EEA1: variants seen among roughly 807,000 people sequenced by gnomAD.
EEA1 encodes the protein early endosome antigen 1, also known as early endosome antigen 1, 162kD.
A neutral mutation model predicts 209.2 loss-of-function variants in EEA1; 111 were observed. The ratio of observed to expected loss-of-function variants is 0.53; its 90% CI spans 0.45 to 0.62. EEA1 has a LOEUF of 0.62. Among genes scored for constraint, EEA1 ranks in the 20% least tolerant of loss-of-function variants. The pLI, the probability that EEA1 is intolerant of heterozygous loss-of-function variation, is 0.00. For missense variants in EEA1, 1,343 were observed against 1,530.8 expected, an observed-to-expected ratio of 0.88 and a Z score of 2.05; for synonymous variants, 536 against 540.6, an observed-to-expected ratio of 0.99 and a Z score of 0.12.
intron 3 of EEA1, chr12:92,858,673 C>T (rs1451652705): frequency 3.0e-5 from 22 of 737,236 alleles, no homozygotes; most frequent in Middle Eastern, 2.4e-4. Context: ...TGCTATGCTT[C>T]CCATCAGAGT....
chr12:92,805,427 C>A (rs1352666824), intron 18 of EEA1, among the ~76,000 whole-genome samples: 4 of 152,114 alleles, frequency 2.6e-5, no homozygotes, highest in African/African-American at 9.7e-5. Flanking sequence ...TTTTATTTCA[C>A]CTTTCTGAAG....
chr12:92,923,100 CACT>C (rs1291812799), intron 1 of EEA1, among the ~76,000 whole-genome samples: 11 of 152,148 alleles, frequency 7.2e-5, no homozygotes, highest in Non-Finnish European at 1.6e-4. Flanking sequence ...GTAATCCCAG[CACT>C]TTGGGAGGCT....
Position 92,799,105 on chromosome 12 carries a change from C to A in EEA1, c.2773-19G>T. On this transcript the variant is annotated intron_variant, in intron 20 of 28. Transcript: ENST00000322349. The stretch of plus-strand genomic sequence containing the variant: ...GAGAAGCCTGAAAGAAAAAAAAAAT[C>A]TATTTAGCCTTCATTTGTTCATTCA... 2 of 1,511,416 alleles carry A rather than the reference C, an allele frequency of 1.3e-6. No individual in the cohort carries two copies. The highest frequency in any genetic ancestry group is 2.3e-5 in the East Asian group (1 of 43,434). The allele number at this position is 1,511,416 out of a possible 1,614,324, so 93.6% of individuals were successfully genotyped here.
chr12:92,833,033 T>A (rs1876732950), intron 10 of EEA1, among the ~76,000 whole-genome samples, 183 bp from the exon 11 acceptor site: 2 of 152,178 alleles, frequency 1.3e-5, no homozygotes, highest in South Asian at 4.1e-4. Context: ...ATTTCACTAT[T>A]GGTCCACTTA....
At chr12:92,928,952 A>C in intron 1 of EEA1, 91 bp downstream of exon 1, 2 of 1,376,594 alleles carry the variant, frequency 1.5e-6, no homozygotes, top group Non-Finnish European at 2.0e-6. Flanking sequence ...GGAAGGAAGG[A>C]GCCCGCGCTG....
Position 92,848,452 on chromosome 12 carries a change from A to T in EEA1, c.798+2659T>A, listed in dbSNP as rs547616716. On this transcript the variant is annotated intron_variant, in intron 9 of 28. Transcript: ENST00000322349. ...AGCCTAAGCAACATAGCAAGACCCCATCTCTACCAAAAATAATTTGTTAAA... is the reference window on the plus strand; with the variant it reads ...AGCCTAAGCAACATAGCAAGACCCCTTCTCTACCAAAAATAATTTGTTAAA... 7.9e-5 allele frequency among the ~76,000 whole-genome samples: 12 copies of T among 152,246 alleles called. No homozygotes were observed. In the South Asian group the frequency reaches 2.5e-3, roughly 32 times the overall value.
At position 92,851,243 on chromosome 12, in the gene EEA1, A is replaced by G. The variant is rs539958491; in HGVS notation, c.666T>C (p.Asp222=). 11 of 1,613,560 alleles carry G rather than the reference A, an allele frequency of 6.8e-6. No homozygotes were observed. The highest frequency in any genetic ancestry group is 6.6e-5 in the South Asian group (6 of 90,962). Residue 222 remains aspartate (D), a synonymous_variant, in exon 9 of 29, where the codon GAT becomes GAC. Transcript: ENST00000322349. The part of the protein sequence containing the change: ...TELLQRPGIE[D]VAVLKKELVQ... ...CCAGTTCTTTCTTTAGCACGGCAACATCTTCTATACCAGGTCTCTGAAGCT... is the reference window on the plus strand; with the variant it reads ...CCAGTTCTTTCTTTAGCACGGCAACGTCTTCTATACCAGGTCTCTGAAGCT...
rs1301006239 is a variant in EEA1 at position 92,857,483 on chromosome 12, T to C, written c.248A>G (p.Asp83Gly). ...GGESNLALKR[D>G]DVTLLRQEVQ... ...CTCTTGTCTGAGCAGTGTTACATCA[T>C]CTCTAAATAAAAATGGGAGGAAGGA... Residue 83 changes from aspartate (D) to glycine (G), a missense_variant and splice_region_variant, in exon 4 of 29, where the codon GAT becomes GGT. Physicochemically the swap from Asp to Gly is moderately conservative, Grantham distance 94. This residue lies in a region of EEA1 where 1,307 missense variants were observed against 1,465.5 expected (regional missense o/e 0.89). Coordinates refer to ENST00000322349, the MANE Select transcript of EEA1 (RefSeq NM_003566.4). 1 of 1,565,120 alleles carries C rather than the reference T, an allele frequency of 6.4e-7. No individual in the cohort carries two copies. The highest frequency in any genetic ancestry group is 1.9e-5 in the Admixed American group (1 of 52,048).
chr12:92,776,798 G>T, intron 28 of EEA1, 46 bp downstream of exon 28: 3 of 1,524,930 alleles, frequency 2.0e-6, no homozygotes, highest in South Asian at 1.1e-5. Flanking sequence ...AATTATCAGT[G>T]ACAAATGAAA....
intron 15 of EEA1, among the ~76,000 whole-genome samples, chr12:92,815,481 C>G (rs17194423): frequency 0.25 from 37,907 of 152,024 alleles, 5,225 homozygotes; most frequent in Non-Finnish European, 0.32. Context: ...TCTCCAAGTT[C>G]TAGTAAGTAT....
rs948884530 is a variant in EEA1 at position 92,806,943 on chromosome 12, T to A, written c.2339+2074A>T. 2.1e-4 allele frequency among the ~76,000 whole-genome samples: 16 copies of A among 74,858 alleles called. No homozygotes were observed. In the East Asian group the frequency reaches 2.9e-3, roughly 14 times the overall value. The allele number at this position is 74,858 out of a possible 152,430, so 49.1% of individuals were successfully genotyped here. A position where few individuals can be genotyped will look rare whatever the true frequency, so the allele number is the denominator to read the frequency against. On this transcript the variant is annotated intron_variant, in intron 18 of 28. Transcript: ENST00000322349. ...CACGGTAATTTTTCTTTTTTAATAA[T>A]TTTTTTTTTTTTGAGACGGAGTCTC...
chr12:92,866,191 CAAAAAAAA>C (rs11317190), intron 2 of EEA1, among the ~76,000 whole-genome samples: 2 of 71,728 alleles, frequency 2.8e-5, no homozygotes, highest in African/African-American at 1.1e-4. Context: ...GACTCCTTCT[CAAAAAAAA>C]AAAAAAAAAA....
At chr12:92,928,089 C>T (rs1431885075) in intron 1 of EEA1, among the ~76,000 whole-genome samples, 1 of 151,770 alleles carries the variant, frequency 6.6e-6, no homozygotes, top group Non-Finnish European at 1.5e-5. Context: ...CTAATAGGCT[C>T]GGCACCTACT....
At chr12:92,795,105 A>T (rs112652367) in intron 21 of EEA1, among the ~76,000 whole-genome samples, 1 of 152,154 alleles carries the variant, frequency 6.6e-6, no homozygotes, top group Non-Finnish European at 1.5e-5. Flanking sequence ...TAAATTCTCC[A>T]ATAGAGTCCA....
chr12:92,845,277 A>C (rs1480762896), intron 9 of EEA1, among the ~76,000 whole-genome samples: 1 of 152,152 alleles, frequency 6.6e-6, no homozygotes, highest in Non-Finnish European at 1.5e-5. Flanking sequence ...GAAGAAGAGG[A>C]GTGAGGAGAG....
In EEA1 at chr12:92,775,288, A is replaced by G. The variant is rs749332513; in HGVS notation, c.*723T>C. The G allele has an allele frequency of 5.9e-5, 9 of 151,724 alleles. No homozygotes were observed. The highest frequency in any genetic ancestry group is 1.0e-4 in the Non-Finnish European group (7 of 67,726). The allele number at this position is 151,724 out of a possible 1,614,324, so 9.4% of individuals were successfully genotyped here. A position where few individuals can be genotyped will look rare whatever the true frequency, so the allele number is the denominator to read the frequency against. ...CAGAAAAAGACAAAAAGAAAAATTA[A>G]CCCTATTCTTTGCAATACAACCCCA... On this transcript the variant is annotated 3_prime_UTR_variant, in exon 29 of 29. Transcript: ENST00000322349.
Position 92,811,298 on chromosome 12 carries a change from T to C in EEA1, c.2180A>G (p.Glu727Gly), listed in dbSNP as rs1365244761. Residue 727 changes from glutamate (E) to glycine (G), a missense_variant, in exon 17 of 29, where the codon GAG becomes GGG. Glu to Gly is a moderately conservative substitution (Grantham distance 98). Coordinates refer to ENST00000322349, the MANE Select transcript of EEA1 (RefSeq NM_003566.4). ...ACAAACCTTAATTTGACCTTCTAGC[T>C]CTTCGGTTTTCTGTTCTAAAGAGAG... ...KYLSLEQKTE[E>G]LEGQIKKLEA... 6.4e-7 allele frequency: 1 copy of C among 1,570,048 alleles called. No homozygotes were observed. Among genetic ancestry groups the C allele is most frequent in the Non-Finnish European group, 8.6e-7 (1 of 1,162,566 alleles).
chr12:92,853,081 GTTATTAC>G (rs1877709980), intron 6 of EEA1, 56 bp from the exon 7 acceptor site: 3 of 1,114,428 alleles, frequency 2.7e-6, no homozygotes, highest in Admixed American at 2.1e-5. Context: ...ATGCTAAATT[GTTATTAC>G]TTATATTTAT....
rs978209755 is a variant in EEA1 at position 92,929,161 on chromosome 12, G to A, written c.-95C>T. 2.3e-6 allele frequency: 3 copies of A among 1,320,490 alleles called. No homozygotes were observed. The highest frequency in any genetic ancestry group is 3.1e-5 in the African/African-American group (2 of 65,488). 81.8% of individuals were successfully genotyped at this position (1,320,490 alleles called of 1,614,324 possible). ...GTGCGCGGGCGGGAGGGACTGGGCC[G>A]GGAGGGGACCGGGAAGGAGGTCGGG... On this transcript the variant is annotated 5_prime_UTR_variant, in exon 1 of 29. Coordinates refer to ENST00000322349, the MANE Select transcript of EEA1 (RefSeq NM_003566.4).
Sources: gnomAD v4.1 joint callset for allele counts (sites outside exome capture counted in the v4.1 genomes callset) on GRCh38, gnomAD v4.1.1 for gene constraint, gnomAD v4.1.1 regional missense constraint, MANE v1.5 for transcripts, NCBI Gene and HGNC (gene_info 2026-07-23, HGNC 2026-07-21) for gene names.